SLIT2: variants seen among roughly 807,000 people sequenced by gnomAD.
The protein encoded by SLIT2 is slit guidance ligand 2.
Under a neutral mutation model 185.7 loss-of-function variants are expected in SLIT2, and 41 were observed. The observed-to-expected ratio is 0.22, with a 90% confidence interval of 0.17 to 0.29. The LOEUF (loss-of-function observed/expected upper bound fraction) is 0.29, where lower values mean the gene tolerates loss of function less well. Ranked by LOEUF, SLIT2 falls within the 10% of genes least tolerant of loss-of-function variation. SLIT2 has a pLI of 1.00. For synonymous variants in SLIT2, 693 were observed against 680.2 expected, an observed-to-expected ratio of 1.02 and a Z score of -0.29; for missense variants, 1,571 against 1,909.0, an observed-to-expected ratio of 0.82 and a Z score of 3.30.
At chr4:20,427,353 C>A (rs140456833) in intron 4 of SLIT2, among the ~76,000 whole-genome samples, 101 of 152,240 alleles carry the variant, frequency 6.6e-4, no homozygotes, top group African/African-American at 2.4e-3. Context: ...TGTCCTGTAG[C>A]CTGTTAGAAC....
At chr4:20,297,566 G>T (rs770958292) in intron 4 of SLIT2, among the ~76,000 whole-genome samples, 1 of 152,098 alleles carries the variant, frequency 6.6e-6, no homozygotes, top group African/African-American at 2.4e-5. Context: ...GTAATTTTTT[G>T]ATTCCCCAGG....
At chr4:20,450,933 G>T (rs1425173196) in intron 4 of SLIT2, among the ~76,000 whole-genome samples, 1 of 152,122 alleles carries the variant, frequency 6.6e-6, no homozygotes. Flanking sequence ...AAAGAAAAAG[G>T]AGACCCTAAT....
At position 20,340,673 on chromosome 4, in the gene SLIT2, C is replaced by T. The variant is rs558636269; in HGVS notation, c.395+71792C>T. ...TGGAGTGCAGCGGCGAGATCTCAGTCCACTGCGAGCTCCGCCTTCCAGGTT... is the reference window on the plus strand; with the variant it reads ...TGGAGTGCAGCGGCGAGATCTCAGTTCACTGCGAGCTCCGCCTTCCAGGTT... On this transcript the variant is annotated intron_variant, in intron 4 of 36. Coordinates refer to ENST00000504154, the MANE Select transcript of SLIT2 (RefSeq NM_004787.4). 7.9e-5 allele frequency among the ~76,000 whole-genome samples: 12 copies of T among 152,250 alleles called. No individual in the cohort carries two copies. In the South Asian group the frequency reaches 2.5e-3, roughly 32 times the overall value.
intron 4 of SLIT2, among the ~76,000 whole-genome samples, chr4:20,438,514 C>T (rs918507696): frequency 1.3e-5 from 2 of 152,128 alleles, no homozygotes; most frequent in African/African-American, 2.4e-5. Flanking sequence ...TCAATCATCT[C>T]CCACTGGTTC....
chr4:20,616,820 C>A, intron 34 of SLIT2, 90 bp from the exon 35 acceptor site: 1 of 1,392,268 alleles, frequency 7.2e-7, no homozygotes, highest in Non-Finnish European at 9.8e-7. Flanking sequence ...AATAGGTTGG[C>A]AGTGAGGTCC....
chr4:20,547,482 CA>C (rs1723350394), intron 22 of SLIT2, among the ~76,000 whole-genome samples: 2 of 151,954 alleles, frequency 1.3e-5, no homozygotes, highest in Admixed American at 6.6e-5. Flanking sequence ...AGTTCTTCAG[CA>C]GTTAAAAATA....
chr4:20,355,879 A>G (rs1425876455), intron 4 of SLIT2, among the ~76,000 whole-genome samples: 1 of 152,164 alleles, frequency 6.6e-6, no homozygotes, highest in Admixed American at 6.6e-5. Flanking sequence ...GTTTACTACT[A>G]CTACTATTAT....
chr4:20,579,071 G>A (rs1726309693), intron 29 of SLIT2, among the ~76,000 whole-genome samples: 1 of 151,968 alleles, frequency 6.6e-6, no homozygotes. Flanking sequence ...CGAGGCAGGT[G>A]GATCACGAGG....
At position 20,541,449 on chromosome 4, in the gene SLIT2, T is replaced by A; in HGVS notation, c.1977-4T>A. On this transcript the variant is annotated splice_region_variant and splice_polypyrimidine_tract_variant and intron_variant, in intron 19 of 36. Coordinates refer to ENST00000504154, the MANE Select transcript of SLIT2 (RefSeq NM_004787.4). Reference sequence around the variant, plus strand: ...ACTGTGCATCGTTTGCCTGTGGCTCTTAGAAACCTCTTGGCCAATCCTTTT... The same window carrying A: ...ACTGTGCATCGTTTGCCTGTGGCTCATAGAAACCTCTTGGCCAATCCTTTT... 1 of 1,613,744 alleles carries A rather than the reference T, an allele frequency of 6.2e-7. No homozygotes were observed. The highest frequency in any genetic ancestry group is 1.3e-5 in the African/African-American group (1 of 75,046).
intron 9 of SLIT2, among the ~76,000 whole-genome samples, chr4:20,496,963 T>A (rs1718279148): frequency 6.6e-6 from 1 of 152,182 alleles, no homozygotes. Flanking sequence ...TGCATAGAAT[T>A]TTTAATAGCA....
intron 33 of SLIT2, 78 bp downstream of exon 33, chr4:20,598,473 T>C (rs1728154391): frequency 6.5e-7 from 1 of 1,528,874 alleles, no homozygotes; most frequent in Admixed American, 1.7e-5. Flanking sequence ...CATTTTATTA[T>C]GGAGAGGAGA....
intron 4 of SLIT2, among the ~76,000 whole-genome samples, chr4:20,319,017 C>T (rs1417601268): frequency 6.6e-6 from 1 of 152,110 alleles, no homozygotes; most frequent in Non-Finnish European, 1.5e-5. Context: ...AGCTGCAGTA[C>T]TGTATGCCTT....
intron 4 of SLIT2, among the ~76,000 whole-genome samples, chr4:20,344,173 G>C (rs1352067369): frequency 6.6e-6 from 1 of 152,130 alleles, no homozygotes; most frequent in East Asian, 1.9e-4. Context: ...AAATATAGTT[G>C]AAACCACAAA....
intron 4 of SLIT2, among the ~76,000 whole-genome samples, chr4:20,461,739 T>C (rs757610055): frequency 6.6e-6 from 1 of 152,098 alleles, no homozygotes; most frequent in Non-Finnish European, 1.5e-5. Flanking sequence ...ACTCCAGAGT[T>C]TTTGGTCTGA....
chr4:20,556,071 T>G (rs1242646703), intron 26 of SLIT2, among the ~76,000 whole-genome samples: 1 of 152,076 alleles, frequency 6.6e-6, no homozygotes, highest in Admixed American at 6.5e-5. Context: ...AATATTTTAT[T>G]TTATTTAAAG....
At chr4:20,551,974 C>T (rs1025667679) in intron 25 of SLIT2, among the ~76,000 whole-genome samples, 1 of 152,126 alleles carries the variant, frequency 6.6e-6, no homozygotes, top group Non-Finnish European at 1.5e-5. Flanking sequence ...ATGTTTTGTA[C>T]ATCAGTCTAT....
In SLIT2 at chr4:20,484,911, C is replaced by T. The variant is rs1225592441; in HGVS notation, c.540-1289C>T. Among the ~76,000 whole-genome samples, 3 of 152,118 alleles carry T rather than the reference C, an allele frequency of 2.0e-5. No homozygotes were observed. The highest frequency in any genetic ancestry group is 4.4e-5 in the Non-Finnish European group (3 of 68,008). On this transcript the variant is annotated intron_variant, in intron 6 of 36. Coordinates refer to ENST00000504154, the MANE Select transcript of SLIT2 (RefSeq NM_004787.4). This position sits in a 1 kb window ranked among gnomAD's most constrained non-coding sequence, Gnocchi z 4.3. ...CCCAAATGTCTGCTTTCTTCCATCTCTCTTGCCCATCATTGTATATTTTTG... is the reference window on the plus strand; with the variant it reads ...CCCAAATGTCTGCTTTCTTCCATCTTTCTTGCCCATCATTGTATATTTTTG...
chr4:20,613,010 C>T (rs997350383), intron 34 of SLIT2, among the ~76,000 whole-genome samples: 1 of 151,810 alleles, frequency 6.6e-6, no homozygotes, highest in South Asian at 2.1e-4. Flanking sequence ...ATAACAGCTG[C>T]TGGCAAGGTT....
At chr4:20,293,959 T>C (rs1716222508) in intron 4 of SLIT2, among the ~76,000 whole-genome samples, 1 of 152,108 alleles carries the variant, frequency 6.6e-6, no homozygotes, top group African/African-American at 2.4e-5. Context: ...TCATGGTGTT[T>C]GCATTTGTCA....
Sources: allele counts gnomAD v4.1 joint callset (sites outside exome capture counted in the v4.1 genomes callset), GRCh38; gene constraint gnomAD v4.1.1; non-coding constraint Gnocchi (gnomAD v3.1); transcripts MANE v1.5; gene names NCBI Gene and HGNC (gene_info 2026-07-23, HGNC 2026-07-21).